Variants in DAAM1 observed in about 807,000 individuals in gnomAD.
DAAM1 encodes dishevelled associated activator of morphogenesis 1.
Under a neutral mutation model 130.0 loss-of-function variants are expected in DAAM1, and 52 were observed. The observed-to-expected ratio is 0.40, with a 90% CI of 0.32 to 0.50. The LOEUF (loss-of-function observed/expected upper bound fraction) is 0.50. Among genes scored for constraint, DAAM1 ranks in the 20% least tolerant of loss-of-function variants. The probability of loss-of-function intolerance (pLI) is 0.61; values close to 1 mark genes in which losing one functional copy is unlikely to be tolerated. For missense variants in DAAM1, 1,134 were observed against 1,303.8 expected, an observed-to-expected ratio of 0.87 and a Z score of 2.01; for synonymous variants, 452 against 444.5, an observed-to-expected ratio of 1.02 and a Z score of -0.21.
chr14:59,299,050 T>C (rs1314088381), intron 3 of DAAM1, among the ~76,000 whole-genome samples: 1 of 152,214 alleles, frequency 6.6e-6, no homozygotes, highest in Non-Finnish European at 1.5e-5. Context: ...GGACAAACTT[T>C]TGGAGCCATC....
chr14:59,346,149 G>A (rs1028748832), intron 16 of DAAM1, among the ~76,000 whole-genome samples: 3 of 146,324 alleles, frequency 2.1e-5, no homozygotes, highest in Non-Finnish European at 3.0e-5. Context: ...GGGGGGGGGG[G>A]GGTGCCTGGA....
At chr14:59,361,099 T>G (rs1158731850) in intron 22 of DAAM1, among the ~76,000 whole-genome samples, 1 of 152,188 alleles carries the variant, frequency 6.6e-6, no homozygotes, top group African/African-American at 2.4e-5. Context: ...AAACTGGACC[T>G]AGTGTGCCAC....
intron 1 of DAAM1, among the ~76,000 whole-genome samples, chr14:59,201,052 T>G (rs1242715955): frequency 6.6e-6 from 1 of 150,940 alleles, no homozygotes; most frequent in African/African-American, 2.4e-5. Context: ...TCCCAGCTAC[T>G]CGGGAGTCTG....
Position 59,323,218 on chromosome 14 carries a change from G to A in DAAM1, c.767G>A (p.Arg256His), listed in dbSNP as rs1222275168. 9 of 1,601,440 alleles carry A rather than the reference G, an allele frequency of 5.6e-6. No individual in the cohort carries two copies. Among genetic ancestry groups the A allele is most frequent in the African/African-American group, 1.3e-5 (1 of 74,774 alleles). ...HYQKYASERT[R>H]FQTLINDLDK... ...CAGAAGTATGCCAGCGAAAGGACCC[G>A]CTTTCAGGTGGGTGTTCGCTCAGCC... The change falls in exon 6 of 25, where the codon CGC (arginine) becomes CAC (histidine). Residue 256 changes from arginine to histidine, a missense_variant. By Grantham distance (29) the Arg-to-His change is conservative. Transcript: ENST00000360909.
At chr14:59,207,718 G>C (rs1451959012) in intron 1 of DAAM1, among the ~76,000 whole-genome samples, 1 of 152,170 alleles carries the variant, frequency 6.6e-6, no homozygotes, top group Non-Finnish European at 1.5e-5. Flanking sequence ...GGACTCCTCA[G>C]ATCATATTTT....
chr14:59,204,016 T>C (rs1430289355), intron 1 of DAAM1, among the ~76,000 whole-genome samples: 1 of 152,256 alleles, frequency 6.6e-6, no homozygotes, highest in East Asian at 1.9e-4. Flanking sequence ...GTTTAGGTAC[T>C]CACTTGGTGT....
At chr14:59,351,355 C>T (rs974002212) in intron 17 of DAAM1, among the ~76,000 whole-genome samples, 1 of 152,090 alleles carries the variant, frequency 6.6e-6, no homozygotes, top group South Asian at 2.1e-4. Context: ...TTTAAAAAAA[C>T]GTAAACTCAC....
At chr14:59,232,408 A>G (rs1254324781) in intron 1 of DAAM1, among the ~76,000 whole-genome samples, 1 of 152,120 alleles carries the variant, frequency 6.6e-6, no homozygotes, top group African/African-American at 2.4e-5. Flanking sequence ...TAAAAATGCA[A>G]AGTTGTCTTT....
chr14:59,222,322 G>T (rs1024491329), intron 1 of DAAM1, among the ~76,000 whole-genome samples: 2 of 152,216 alleles, frequency 1.3e-5, no homozygotes, highest in Non-Finnish European at 2.9e-5. Context: ...GGCATTGCAT[G>T]CAGGAAAGGC....
chr14:59,208,005 G>C (rs984946922), intron 1 of DAAM1, among the ~76,000 whole-genome samples: 42 of 152,252 alleles, frequency 2.8e-4, no homozygotes, highest in Non-Finnish European at 3.4e-4. Flanking sequence ...ACACAGAAAA[G>C]TACATAGAAA....
intron 3 of DAAM1, among the ~76,000 whole-genome samples, chr14:59,298,934 C>T (rs1353800820): frequency 6.6e-6 from 1 of 152,202 alleles, no homozygotes; most frequent in African/African-American, 2.4e-5. Flanking sequence ...GATGCCCATT[C>T]TCCTTAACGA....
At chr14:59,289,920 G>C (rs2139562838) in intron 2 of DAAM1, among the ~76,000 whole-genome samples, 1 of 152,094 alleles carries the variant, frequency 6.6e-6, no homozygotes, top group East Asian at 1.9e-4. Flanking sequence ...TTATAAGTAA[G>C]AGCTAAACTT....
intron 2 of DAAM1, among the ~76,000 whole-genome samples, chr14:59,272,629 A>G (rs966106649): frequency 1.6e-4 from 22 of 136,772 alleles, no homozygotes; most frequent in Non-Finnish European, 2.8e-4. Context: ...ACACACACAC[A>G]CATACACACA....
intron 23 of DAAM1, 50 bp downstream of exon 23, chr14:59,363,832 A>T: frequency 4.4e-6 from 7 of 1,605,656 alleles, no homozygotes; most frequent in Non-Finnish European, 5.9e-6. Flanking sequence ...GCTGGGCTTC[A>T]GTGTGATACT....
At chr14:59,224,231 A>G (rs1465675622) in intron 1 of DAAM1, among the ~76,000 whole-genome samples, 2 of 152,238 alleles carry the variant, frequency 1.3e-5, no homozygotes, top group Non-Finnish European at 2.9e-5. Flanking sequence ...CATCTGGTAC[A>G]GCAGCTGCAA....
intron 15 of DAAM1, among the ~76,000 whole-genome samples, chr14:59,336,548 A>G (rs747760891): frequency 1.2e-4 from 19 of 152,184 alleles, no homozygotes; most frequent in Admixed American, 3.3e-4. Context: ...TTATGATTTT[A>G]TTTCTAATGT....
intron 1 of DAAM1, among the ~76,000 whole-genome samples, chr14:59,216,993 A>T (rs1166649484): frequency 1.3e-5 from 2 of 151,980 alleles, no homozygotes; most frequent in African/African-American, 4.8e-5. Context: ...ACACCCCAAT[A>T]TAGGAGTTTC....
chr14:59,298,632 A>ATT (rs752673523), intron 3 of DAAM1, among the ~76,000 whole-genome samples: 1 of 152,212 alleles, frequency 6.6e-6, no homozygotes, highest in Non-Finnish European at 1.5e-5. Context: ...TGAACACCAA[A>ATT]TTTTAGATTT....
At chr14:59,239,423 G>A (rs533652123) in intron 1 of DAAM1, among the ~76,000 whole-genome samples, 1 of 152,248 alleles carries the variant, frequency 6.6e-6, no homozygotes, top group South Asian at 2.1e-4. Context: ...AGAGAGAGGT[G>A]TAGCTAGTGA....
Sources: allele counts gnomAD v4.1 joint callset (sites outside exome capture counted in the v4.1 genomes callset), GRCh38; gene constraint gnomAD v4.1.1; transcripts MANE v1.5; gene names NCBI Gene and HGNC (gene_info 2026-07-23, HGNC 2026-07-21).